The following GINS4 variants were observed in gnomAD, a reference collection of about 807,000 sequenced individuals.
GINS4 encodes the protein GINS complex subunit 4, also known as DNA replication complex GINS protein SLD5.
Under a neutral mutation model 31.1 loss-of-function variants are expected in GINS4, and 20 were observed. The observed-to-expected ratio is 0.64, with a 90% CI of 0.45 to 0.93. The LOEUF is 0.93. GINS4 is among the 40% of genes least tolerant of loss of function. GINS4 has a pLI of 0.00. For missense variants in GINS4, 245 were observed against 273.9 expected (o/e 0.89, Z 0.75); for synonymous variants, 85 against 97.9 (o/e 0.87, Z 0.78).
chr8:41,534,289 C>T, intron 2 of GINS4: 1 of 411,828 alleles, frequency 2.4e-6, no homozygotes, highest in South Asian at 1.8e-5. Flanking sequence ...TACCTTTAGT[C>T]CCAGCTACTC....
intron 6 of GINS4, 76 bp from the exon 7 acceptor site, chr8:41,541,733 A>G (rs1806844185): frequency 8.7e-7 from 1 of 1,155,604 alleles, no homozygotes; most frequent in Middle Eastern, 2.5e-4. Flanking sequence ...GTGCCATACC[A>G]TTCTTCCCAG....
At chr8:41,540,142 A>G in intron 6 of GINS4, 138 bp downstream of exon 6, 1 of 662,624 alleles carries the variant, frequency 1.5e-6, no homozygotes, top group African/African-American at 1.8e-5. Flanking sequence ...GATTCTAGCT[A>G]AAAACCAAAA....
rs556607585 is a variant in GINS4, at chr8:41,544,271, C to G, written c.*2184C>G. 6.6e-6 allele frequency: 1 copy of G among 152,270 alleles called. No homozygotes were observed. The highest frequency in any genetic ancestry group is 1.9e-4 in the East Asian group (1 of 5,184). 9.4% of individuals were successfully genotyped at this position (152,270 alleles called of 1,614,324 possible). A position where few individuals can be genotyped will look rare whatever the true frequency, so the allele number is the denominator to read the frequency against. On this transcript the variant is annotated 3_prime_UTR_variant, in exon 8 of 8. Transcript: ENST00000276533. ...TGATAAGGTCTGAGGCAGGCTGGAC[C>G]CAGATCTTACAGGACCTTGTTAATA...
chr8:41,542,033 C>G lies in GINS4; in HGVS notation c.618C>G (p.Ile206Met). 1 of 1,614,156 alleles carries G rather than the reference C, an allele frequency of 6.2e-7. No individual in the cohort carries two copies. Among genetic ancestry groups the G allele is most frequent in the Non-Finnish European group, 8.5e-7 (1 of 1,180,004 alleles). ...IDLEKGSQHL[I>M]RYKTIAPLVA... ...TGGAGAAGGGCTCACAGCACTTGAT[C>G]CGATACAAAACCATTGCACCTCTGG... The change falls in exon 8 of 8, where the codon ATC (isoleucine) becomes ATG (methionine). Residue 206 changes from isoleucine to methionine, a missense_variant. Coordinates refer to ENST00000276533, the MANE Select transcript of GINS4 (RefSeq NM_032336.3).
chr8:41,537,296 T>G lies in GINS4; in HGVS notation c.297+3T>G, dbSNP rs772014678. On this transcript the variant is annotated splice_donor_region_variant and intron_variant, in intron 4 of 7. Transcript: ENST00000276533. ...ACTTGCGGTGTCGCCTCATGAAGGTTTGACGTGGAGATACCTGGAGGGATT... is the reference window on the plus strand; with the variant it reads ...ACTTGCGGTGTCGCCTCATGAAGGTGTGACGTGGAGATACCTGGAGGGATT... The G allele has an allele frequency of 3.1e-6, 5 of 1,594,726 alleles. No homozygotes were observed.
rs759033263 is a variant in GINS4 at position 41,544,197 on chromosome 8, T to G, written c.*2110T>G. ...GCCCTGAGGCAGAAACAAACTCTAC[T>G]TGAGGTCAGCCTGGTTAGAAAGCCC... On this transcript the variant is annotated 3_prime_UTR_variant, in exon 8 of 8. Coordinates refer to ENST00000276533, the MANE Select transcript of GINS4 (RefSeq NM_032336.3). The G allele has an allele frequency of 6.6e-6, 1 of 152,240 alleles. No homozygotes were observed. Among genetic ancestry groups the G allele is most frequent in the African/African-American group, 2.4e-5 (1 of 41,438 alleles). The allele number at this position is 152,240 out of a possible 1,614,324, so 9.4% of individuals were successfully genotyped here. A position where few individuals can be genotyped will look rare whatever the true frequency, so the allele number is the denominator to read the frequency against.
intron 4 of GINS4, chr8:41,538,131 A>T (rs903176897): frequency 1.2e-4 from 18 of 152,230 alleles, no homozygotes; most frequent in African/African-American, 4.3e-4. Flanking sequence ...TATTACAAAT[A>T]AGATAAATTA....
intron 2 of GINS4, among the ~76,000 whole-genome samples, chr8:41,533,512 A>C (rs1806684656): frequency 6.6e-6 from 1 of 152,200 alleles, no homozygotes; most frequent in Non-Finnish European, 1.5e-5. Flanking sequence ...CAGTGCCCTG[A>C]GTGCAGCCAA....
In GINS4 at chr8:41,542,320, G is replaced by A; in HGVS notation, c.*233G>A. 40 of 518,088 alleles carry A rather than the reference G, an allele frequency of 7.7e-5. No individual in the cohort carries two copies. In the South Asian group the frequency reaches 8.5e-4, roughly 11 times the overall value. 32.1% of individuals were successfully genotyped at this position (518,088 alleles called of 1,614,324 possible). A position where few individuals can be genotyped will look rare whatever the true frequency, so the allele number is the denominator to read the frequency against. On this transcript the variant is annotated 3_prime_UTR_variant, in exon 8 of 8. Coordinates refer to ENST00000276533, the MANE Select transcript of GINS4 (RefSeq NM_032336.3). ...AATCGCTTGAACCTGGGAGCAGGAG[G>A]TTGCAGTGAGCCGAGGTCGTGCCAT...
rs1411825517 is a variant in GINS4, at chr8:41,542,134, A to G, written c.*47A>G. On this transcript the variant is annotated 3_prime_UTR_variant, in exon 8 of 8. Coordinates refer to ENST00000276533, the MANE Select transcript of GINS4 (RefSeq NM_032336.3). ...CATGGTGACTCAAGCCTGTAATCCC[A>G]GCACTTTGGGAGGCCGAGGCGGGCG... The G allele has an allele frequency of 6.8e-7, 1 of 1,481,000 alleles. No individual in the cohort carries two copies. Among genetic ancestry groups the G allele is most frequent in the Non-Finnish European group, 9.4e-7 (1 of 1,059,470 alleles). 91.7% of individuals were successfully genotyped at this position (1,481,000 alleles called of 1,614,324 possible).
chr8:41,537,209 G>A lies in GINS4; in HGVS notation c.213G>A (p.Glu71=). Residue 71 remains glutamate (E), a synonymous_variant, in exon 4 of 8, where the codon GAG becomes GAA. Transcript: ENST00000276533. Reference sequence around the variant, plus strand: ...AAAATCTCAGGAGAGCCAAAAGGGAGGACCTGAAGGTCAGCATCCACCAAA... The same window carrying A: ...AAAATCTCAGGAGAGCCAAAAGGGAAGACCTGAAGGTCAGCATCCACCAAA... ...MEENLRRAKR[E]DLKVSIHQME... The A allele has an allele frequency of 6.2e-7, 1 of 1,613,102 alleles. No individual in the cohort carries two copies. Among genetic ancestry groups the A allele is most frequent in the East Asian group, 2.2e-5 (1 of 44,886 alleles).
rs1019580432 is a variant in GINS4 at position 41,542,782 on chromosome 8, G to A, written c.*695G>A. ...TAGGCATCAGACATTCCTCAGCAGT[G>A]CTGTGGGTCACGGGCGTGAAGCGGA... On this transcript the variant is annotated 3_prime_UTR_variant, in exon 8 of 8. Transcript: ENST00000276533. 1 of 152,802 alleles carries A rather than the reference G, an allele frequency of 6.5e-6. No homozygotes were observed. The highest frequency in any genetic ancestry group is 1.9e-4 in the East Asian group (1 of 5,200). 9.5% of individuals were successfully genotyped at this position (152,802 alleles called of 1,614,324 possible).
chr8:41,539,319 CAAAAAAAAAA>C (rs36097557), intron 4 of GINS4, among the ~76,000 whole-genome samples: 2,692 of 55,858 alleles, frequency 0.048, 95 homozygotes, highest in African/African-American at 0.14. Flanking sequence ...GACTCCATCT[CAAAAAAAAAA>C]AAAAAAAAAA....
intron 6 of GINS4, chr8:41,540,253 G>A: frequency 1.8e-6 from 1 of 543,556 alleles, no homozygotes; most frequent in Non-Finnish European, 3.3e-6. Context: ...TGTAGACTCG[G>A]GCATGGAGCC....
rs186344508 is a variant in GINS4, at chr8:41,533,833, C to T, written c.97-2527C>T. Among the ~76,000 whole-genome samples, 401 of 152,188 alleles carry T rather than the reference C, an allele frequency of 2.6e-3. 4 individuals carry two copies. Among genetic ancestry groups the T allele is most frequent in the Non-Finnish European group, 2.1e-3 (141 of 68,008 alleles). ...AAGTGCCAGCATAGTTGTCTTCTTCCGAGTCCTCTGTCTTGGGTTTGTAGG... is the reference window on the plus strand; with the variant it reads ...AAGTGCCAGCATAGTTGTCTTCTTCTGAGTCCTCTGTCTTGGGTTTGTAGG... On this transcript the variant is annotated intron_variant, in intron 2 of 7. Transcript: ENST00000276533.
At position 41,535,075 on chromosome 8, in the gene GINS4, C is replaced by T. The variant is rs143889334; in HGVS notation, c.97-1285C>T. ...GTATTTGGCTGGGCTCGGTGGCTCA[C>T]GCCTCTAACCCCAGCACTTTGAGAG... On this transcript the variant is annotated intron_variant, in intron 2 of 7. Transcript: ENST00000276533. Among the ~76,000 whole-genome samples the T allele has an allele frequency of 5.9e-3, 891 of 152,028 alleles. 3 individuals carry two copies. Among genetic ancestry groups the T allele is most frequent in the Middle Eastern group, 0.014 (4 of 294 alleles).
chr8:41,530,386 C>G (rs144024574), intron 2 of GINS4, 88 bp downstream of exon 2: 3 of 940,738 alleles, frequency 3.2e-6, no homozygotes, highest in African/African-American at 3.3e-5. Flanking sequence ...GATGAGGAAA[C>G]GGAATTTGGG....
At position 41,530,241 on chromosome 8, in the gene GINS4, T is replaced by C. The variant is rs978411619; in HGVS notation, c.39T>C (p.Asp13=). Reference sequence around the variant, plus strand: ...TGGATTTCCTGGGACAGGACTCTGATGGGGGTAGTGAGGAAGTGGTCCTAA... The same window carrying C: ...TGGATTTCCTGGGACAGGACTCTGACGGGGGTAGTGAGGAAGTGGTCCTAA... ...EEVDFLGQDS[D]GGSEEVVLTP... is the part of the protein sequence containing the mutation. Residue 13 remains aspartate, a synonymous_variant, in exon 2 of 8, where the codon GAT becomes GAC. Coordinates refer to ENST00000276533, the MANE Select transcript of GINS4 (RefSeq NM_032336.3). 1.9e-6 allele frequency: 3 copies of C among 1,613,846 alleles called. No homozygotes were observed. Among genetic ancestry groups the C allele is most frequent in the Non-Finnish European group, 1.7e-6 (2 of 1,179,884 alleles).
chr8:41,536,260 G>A, intron 2 of GINS4, 100 bp from the exon 3 acceptor site: 1 of 767,178 alleles, frequency 1.3e-6, no homozygotes, highest in Non-Finnish European at 2.4e-6. Context: ...CAGTTTTCTT[G>A]CCTGCGCCAT....
Sources: allele counts gnomAD v4.1 joint callset (sites outside exome capture counted in the v4.1 genomes callset), GRCh38; gene constraint gnomAD v4.1.1; transcripts MANE v1.5; gene names NCBI Gene and HGNC (gene_info 2026-07-23, HGNC 2026-07-21).